The following NXPE2 variants were observed in gnomAD, a reference collection of about 807,000 sequenced individuals.
The protein encoded by NXPE2 is neurexophilin and PC-esterase domain family member 2, also known as NXPE family member 2.
NXPE2 carries 34 observed loss-of-function variants against 34.4 expected under a neutral mutation model. The ratio of observed to expected loss-of-function variants is 0.99; its 90% CI spans 0.75 to 1.31. NXPE2 has a LOEUF of 1.31. NXPE2 is among the 40% of genes most tolerant of loss of function. The pLI is 0.00. For missense variants in NXPE2, 649 were observed against 672.5 expected (o/e 0.97, Z 0.39); for synonymous variants, 235 against 231.3 (o/e 1.02, Z -0.15).
At chr11:114,797,804 C>T in the NXPE2 span, among the ~76,000 whole-genome samples, 2 of 152,144 alleles carry the variant, frequency 1.3e-5, no homozygotes, top group Non-Finnish European at 2.9e-5. Context: ...TATTATAATA[C>T]TGTGGTTGAA....
At chr11:114,493,351 T>C in the NXPE2 span, among the ~76,000 whole-genome samples, 1 of 152,236 alleles carries the variant, frequency 6.6e-6, no homozygotes, top group Non-Finnish European at 1.5e-5. Flanking sequence ...ACTCCTGCCA[T>C]TTTGTTATTT....
chr11:114,763,520 G>C, the NXPE2 span, among the ~76,000 whole-genome samples: 68 of 152,242 alleles, frequency 4.5e-4, 1 homozygote, highest in East Asian at 0.013. Context: ...ATAACTTTCA[G>C]ATCCCCATGA....
the NXPE2 span, among the ~76,000 whole-genome samples, chr11:114,811,603 C>T: frequency 6.6e-6 from 1 of 152,158 alleles, no homozygotes; most frequent in South Asian, 2.1e-4. Context: ...GGGCCTTACC[C>T]CTGGGTTGGG....
At chr11:114,591,041 G>C in the NXPE2 span, among the ~76,000 whole-genome samples, 1 of 152,176 alleles carries the variant, frequency 6.6e-6, no homozygotes, top group Non-Finnish European at 1.5e-5. Flanking sequence ...TATGAAGCCA[G>C]GGAGGATCTC....
At chr11:114,593,190 CT>C in the NXPE2 span, among the ~76,000 whole-genome samples, 3 of 152,104 alleles carry the variant, frequency 2.0e-5, no homozygotes, top group East Asian at 3.9e-4. Context: ...TTATATAAAA[CT>C]AAAAACTTCT....
chr11:114,546,390 T>C, the NXPE2 span, among the ~76,000 whole-genome samples: 1 of 152,156 alleles, frequency 6.6e-6, no homozygotes, highest in African/African-American at 2.4e-5. Context: ...TTAATATAGA[T>C]TGAAATGGAT....
At chr11:114,656,029 C>A in the NXPE2 span, among the ~76,000 whole-genome samples, 1 of 152,066 alleles carries the variant, frequency 6.6e-6, no homozygotes, top group African/African-American at 2.4e-5. Flanking sequence ...TTAGAAAACC[C>A]CATCATCTCA....
At chr11:114,558,539 A>G in the NXPE2 span, among the ~76,000 whole-genome samples, 1 of 152,212 alleles carries the variant, frequency 6.6e-6, no homozygotes, top group South Asian at 2.1e-4. Context: ...TACTAATGGA[A>G]GTTGAGTTAT....
the NXPE2 span, among the ~76,000 whole-genome samples, chr11:114,563,091 T>C: frequency 6.6e-6 from 1 of 151,922 alleles, no homozygotes; most frequent in Non-Finnish European, 1.5e-5. Context: ...AAAAATCACA[T>C]GATTGAGAGT....
chr11:114,487,370 G>A, the NXPE2 span, among the ~76,000 whole-genome samples: 16 of 151,868 alleles, frequency 1.1e-4, no homozygotes, highest in Non-Finnish European at 1.9e-4. Context: ...CTGAATTTTC[G>A]TATCAGTTCT....
chr11:114,464,391 C>G, the NXPE2 span, among the ~76,000 whole-genome samples: 1 of 152,146 alleles, frequency 6.6e-6, no homozygotes, highest in South Asian at 2.1e-4. Flanking sequence ...TACTGACCAT[C>G]CTCAACCTAC....
At chr11:114,717,562 T>C in the NXPE2 span, among the ~76,000 whole-genome samples, 2 of 152,240 alleles carry the variant, frequency 1.3e-5, no homozygotes, top group Non-Finnish European at 2.9e-5. Flanking sequence ...CTTAATGAAC[T>C]GCATAATCTT....
chr11:114,492,955 T>A, the NXPE2 span, among the ~76,000 whole-genome samples: 1 of 152,254 alleles, frequency 6.6e-6, no homozygotes, highest in Non-Finnish European at 1.5e-5. Flanking sequence ...TTAGCTCTAA[T>A]AATATTTGTT....
the NXPE2 span, among the ~76,000 whole-genome samples, chr11:114,788,330 C>T: frequency 6.6e-6 from 1 of 152,170 alleles, no homozygotes; most frequent in South Asian, 2.1e-4. Context: ...CACTGACAAG[C>T]AGGGCCATGG....
chr11:114,562,031 G>A, the NXPE2 span, among the ~76,000 whole-genome samples: 1 of 152,168 alleles, frequency 6.6e-6, no homozygotes, highest in East Asian at 1.9e-4. Context: ...TCTCACATCA[G>A]TCTGGTAATT....
At chr11:114,472,558 A>G in the NXPE2 span, among the ~76,000 whole-genome samples, 1 of 152,180 alleles carries the variant, frequency 6.6e-6, no homozygotes, top group African/African-American at 2.4e-5. Context: ...AGGCTGCTAT[A>G]ACAAAATAGC....
At chr11:114,783,157 C>T in the NXPE2 span, among the ~76,000 whole-genome samples, 1 of 152,208 alleles carries the variant, frequency 6.6e-6, no homozygotes, top group Non-Finnish European at 1.5e-5. Flanking sequence ...TGCCTTTGTA[C>T]CTAAAATGCT....
chr11:114,584,729 G>A, the NXPE2 span: 1 of 152,862 alleles, frequency 6.5e-6, no homozygotes, highest in South Asian at 2.1e-4. Flanking sequence ...TTCCTGCCTA[G>A]TCCCCAATCT....
chr11:114,751,680 C>A, the NXPE2 span, among the ~76,000 whole-genome samples: 1 of 152,160 alleles, frequency 6.6e-6, no homozygotes, highest in Non-Finnish European at 1.5e-5. Context: ...AATGACCCCC[C>A]AAAATGTCCA....
Sources: allele counts gnomAD v4.1 joint callset (sites outside exome capture counted in the v4.1 genomes callset), GRCh38; gene constraint gnomAD v4.1.1; transcripts MANE v1.5; gene names NCBI Gene and HGNC (gene_info 2026-07-23, HGNC 2026-07-21).